PRIM2: variants seen among roughly 807,000 people sequenced by gnomAD.
PRIM2 encodes the protein DNA primase large subunit.
In PRIM2, 39 loss-of-function variants were observed where a neutral mutation model predicts 67.3. That is an observed-to-expected ratio of 0.58 (90% CI 0.45 to 0.76). PRIM2 has a LOEUF of 0.76. PRIM2 is among the 30% of genes least tolerant of loss of function. The pLI is 0.00. For synonymous variants in PRIM2, 143 were observed against 198.7 expected, an observed-to-expected ratio of 0.72 and a Z score of 2.36; for missense variants, 398 against 598.7, an observed-to-expected ratio of 0.66 and a Z score of 3.50.
the PRIM2 span, among the ~76,000 whole-genome samples, chr6:57,249,760 A>C: frequency 6.6e-5 from 10 of 152,286 alleles, no homozygotes; most frequent in Non-Finnish European, 1.2e-4. Flanking sequence ...AACAAACAAA[A>C]AAAGAATACC....
the PRIM2 span, among the ~76,000 whole-genome samples, chr6:57,225,545 A>G: frequency 6.6e-6 from 1 of 152,276 alleles, no homozygotes; most frequent in East Asian, 1.9e-4. Context: ...TGAGTTTCAC[A>G]AAATTATTTT....
At chr6:57,325,707 T>C (rs1483792759) in intron 4 of PRIM2, among the ~76,000 whole-genome samples, 1 of 152,224 alleles carries the variant, frequency 6.6e-6, no homozygotes, top group Non-Finnish European at 1.5e-5. Context: ...TTAATCTTTT[T>C]AATTTTTAAC....
intron 5 of PRIM2, among the ~76,000 whole-genome samples, chr6:57,360,041 G>A (rs1769146722): frequency 6.6e-6 from 1 of 152,160 alleles, no homozygotes; most frequent in South Asian, 2.1e-4. Flanking sequence ...TGAGGTTGAT[G>A]TTTTTATGTG....
At chr6:57,404,600 G>A (rs1163487223) in intron 7 of PRIM2, among the ~76,000 whole-genome samples, 2 of 152,210 alleles carry the variant, frequency 1.3e-5, no homozygotes, top group African/African-American at 4.8e-5. Context: ...AATTGCAAAT[G>A]TTTATGAACT....
chr6:57,478,700 T>C (rs1773539797), intron 7 of PRIM2, among the ~76,000 whole-genome samples: 1 of 152,190 alleles, frequency 6.6e-6, no homozygotes, highest in Non-Finnish European at 1.5e-5. Context: ...GTTTGAGTCT[T>C]GACCTGCCAG....
At chr6:57,553,327 G>C (rs1775441196) in intron 10 of PRIM2, among the ~76,000 whole-genome samples, 1 of 151,656 alleles carries the variant, frequency 6.6e-6, no homozygotes, top group Non-Finnish European at 1.5e-5. Context: ...TAATTCTCTT[G>C]GATATGAGTT....
chr6:57,466,945 C>T (rs1240379998), intron 7 of PRIM2, among the ~76,000 whole-genome samples: 97 of 152,046 alleles, frequency 6.4e-4, no homozygotes, highest in Non-Finnish European at 9.1e-4. Flanking sequence ...AATGGAGAAA[C>T]GCTGTCTCTA....
chr6:57,354,733 C>T lies in PRIM2; in HGVS notation c.460-25168C>T, dbSNP rs1768970693. Among the ~76,000 whole-genome samples, 3 of 152,220 alleles carry T rather than the reference C, an allele frequency of 2.0e-5. No individual in the cohort carries two copies. The South Asian group carries it at 6.2e-4, about 31-fold the overall frequency. ...ACAAATACCAGTAGTTAACTATGTA[C>T]TTCCAGTGTAACGCAGGGCAAGATG... On this transcript the variant is annotated intron_variant, in intron 5 of 13. Coordinates refer to ENST00000615550, the MANE Select transcript of PRIM2 (RefSeq NM_000947.5).
chr6:57,568,754 C>T (rs1775798767), intron 10 of PRIM2, among the ~76,000 whole-genome samples: 2 of 152,154 alleles, frequency 1.3e-5, no homozygotes, highest in African/African-American at 4.8e-5. Flanking sequence ...GGGGGTGTGC[C>T]TGTCCAGGTA....
At chr6:57,318,948 G>T (rs976114629) in intron 2 of PRIM2, among the ~76,000 whole-genome samples, 1 of 152,212 alleles carries the variant, frequency 6.6e-6, no homozygotes, top group Non-Finnish European at 1.5e-5. Flanking sequence ...TCTAGTAGAA[G>T]TAAATGGTAG....
At chr6:57,234,515 T>TTTTAA in the PRIM2 span, among the ~76,000 whole-genome samples, 2 of 152,150 alleles carry the variant, frequency 1.3e-5, no homozygotes, top group Non-Finnish European at 2.9e-5. Context: ...CTGTGTTTTA[T>TTTTAA]TTTTATTTTA....
At chr6:57,485,531 G>A (rs1205613981) in intron 7 of PRIM2, among the ~76,000 whole-genome samples, 2 of 152,106 alleles carry the variant, frequency 1.3e-5, no homozygotes, top group African/African-American at 4.8e-5. Context: ...ATTGGTTTAT[G>A]CAAAGGGCTG....
At chr6:57,603,662 A>G (rs1413310767) in intron 11 of PRIM2, among the ~76,000 whole-genome samples, 6 of 151,918 alleles carry the variant, frequency 3.9e-5, no homozygotes, top group African/African-American at 4.8e-5. Flanking sequence ...TTGGTCATTT[A>G]GACTCTTTTT....
At chr6:57,323,324 A>T (rs549030686) in intron 3 of PRIM2, among the ~76,000 whole-genome samples, 1 of 152,218 alleles carries the variant, frequency 6.6e-6, no homozygotes, top group East Asian at 1.9e-4. Context: ...GTAGATTAAG[A>T]ATCTAGGTTT....
chr6:57,482,680 A>G (rs1773659997), intron 7 of PRIM2, among the ~76,000 whole-genome samples: 1 of 152,224 alleles, frequency 6.6e-6, no homozygotes, highest in Non-Finnish European at 1.5e-5. Context: ...AGGGCAAATT[A>G]TCTCAAAGCT....
chr6:57,534,260 T>G (rs1198076927), intron 9 of PRIM2, among the ~76,000 whole-genome samples: 1 of 151,784 alleles, frequency 6.6e-6, no homozygotes, highest in Non-Finnish European at 1.5e-5. Context: ...TTAAAGCCCT[T>G]GTGATCTTAT....
At chr6:57,520,085 A>C (rs1482610775) in intron 8 of PRIM2, among the ~76,000 whole-genome samples, 1 of 152,168 alleles carries the variant, frequency 6.6e-6, no homozygotes, top group Non-Finnish European at 1.5e-5. Flanking sequence ...TGTGAGACTG[A>C]AGTGGCGTAT....
the PRIM2 span, among the ~76,000 whole-genome samples, chr6:57,272,410 T>C: frequency 6.6e-6 from 1 of 152,234 alleles, no homozygotes; most frequent in Non-Finnish European, 1.5e-5. Flanking sequence ...TGATCTTTGA[T>C]GGTTTAAAGT....
At position 57,537,488 on chromosome 6, in the gene PRIM2, T is replaced by C; in HGVS notation, c.883T>C (p.Leu295=). The change falls in exon 10 of 14, where the codon TTG becomes CTG. Residue 295 remains leucine (L), a synonymous_variant. Coordinates refer to ENST00000615550, the MANE Select transcript of PRIM2 (RefSeq NM_000947.5). The stretch of plus-strand genomic sequence containing the variant: ...TTGCATGCGTCAGTTACATAAAGCC[T>C]TGCGGGAAAATCACCATCTTCGTCA... ...PPCMRQLHKA[L]RENHHLRHGG... 6.5e-7 allele frequency: 1 copy of C among 1,532,544 alleles called. No homozygotes were observed. The highest frequency in any genetic ancestry group is 1.2e-5 in the South Asian group (1 of 86,538). 94.9% of individuals were successfully genotyped at this position (1,532,544 alleles called of 1,614,324 possible).
Sources: gnomAD v4.1 joint callset for allele counts (sites outside exome capture counted in the v4.1 genomes callset) on GRCh38, gnomAD v4.1.1 for gene constraint, MANE v1.5 for transcripts, NCBI Gene and HGNC (gene_info 2026-07-23, HGNC 2026-07-21) for gene names.